Variants in CSMD1 observed in about 807,000 individuals in gnomAD.
CSMD1 encodes CUB and sushi domain-containing protein 1.
A neutral mutation model predicts 417.5 loss-of-function variants in CSMD1; 213 were observed. That is an observed-to-expected ratio of 0.51 (90% CI 0.46 to 0.57). The LOEUF (loss-of-function observed/expected upper bound fraction) is 0.57, where lower values mean the gene tolerates loss of function less well. Among genes scored for constraint, CSMD1 ranks in the 20% least tolerant of loss-of-function variants. The pLI, the probability that CSMD1 is intolerant of heterozygous loss-of-function variation, is 0.00. For synonymous variants in CSMD1, 2,862 were observed against 1,736.8 expected (o/e 1.65, Z -16.11); for missense variants, 6,923 against 4,529.7 (o/e 1.53, Z -15.17).
chr8:3,112,023 G>T (rs1328116280), intron 42 of CSMD1, among the ~76,000 whole-genome samples: 2 of 151,740 alleles, frequency 1.3e-5, no homozygotes, highest in Admixed American at 1.3e-4. Flanking sequence ...GCTTCCTTAA[G>T]GTCTTTCCTG....
intron 6 of CSMD1, among the ~76,000 whole-genome samples, chr8:3,740,826 AAC>A (rs946871833): frequency 1.3e-5 from 2 of 152,192 alleles, no homozygotes; most frequent in Admixed American, 1.3e-4. Flanking sequence ...CTATGCAGGC[AAC>A]AGAGTGCCCA....
chr8:3,711,977 G>C (rs1215464277), intron 6 of CSMD1, among the ~76,000 whole-genome samples: 2 of 152,214 alleles, frequency 1.3e-5, no homozygotes, highest in Non-Finnish European at 2.9e-5. Context: ...TATGCGAATA[G>C]ACAGGACCTA....
chr8:3,595,524 T>G (rs1801049658), intron 8 of CSMD1, among the ~76,000 whole-genome samples: 1 of 152,082 alleles, frequency 6.6e-6, no homozygotes, highest in Non-Finnish European at 1.5e-5. Context: ...AACTAATATT[T>G]TATGTGATTT....
intron 11 of CSMD1, among the ~76,000 whole-genome samples, chr8:3,476,029 T>C (rs1428812459): frequency 6.6e-6 from 1 of 152,204 alleles, no homozygotes; most frequent in East Asian, 1.9e-4. Flanking sequence ...TCAATAGTTC[T>C]ATTCTAATCT....
intron 3 of CSMD1, among the ~76,000 whole-genome samples, chr8:4,239,019 G>T (rs1175758578): frequency 2.0e-5 from 3 of 152,088 alleles, no homozygotes; most frequent in Non-Finnish European, 2.9e-5. Context: ...GATTAGGTTC[G>T]AAAATCTGCT....
At chr8:4,370,072 G>A (rs143943957) in intron 3 of CSMD1, among the ~76,000 whole-genome samples, 5 of 151,974 alleles carry the variant, frequency 3.3e-5, no homozygotes, top group African/African-American at 9.7e-5. Flanking sequence ...TGTGTTTTTC[G>A]GTGGTAGTCA....
chr8:4,177,594 G>A (rs2131162307), intron 3 of CSMD1, among the ~76,000 whole-genome samples: 1 of 151,238 alleles, frequency 6.6e-6, no homozygotes. Flanking sequence ...CAGAACTGAA[G>A]GAAATAGAGA....
chr8:4,674,169 C>A (rs993195750), intron 1 of CSMD1, among the ~76,000 whole-genome samples: 1 of 152,082 alleles, frequency 6.6e-6, no homozygotes, highest in Non-Finnish European at 1.5e-5. Flanking sequence ...GTGGGAAAAT[C>A]GATCTAATGG....
chr8:3,189,130 C>A, intron 34 of CSMD1, 119 bp from the exon 35 acceptor site: 1 of 869,762 alleles, frequency 1.1e-6, no homozygotes, highest in South Asian at 2.7e-5. Context: ...AACAATGATA[C>A]GTTAAACGGC....
chr8:3,954,069 C>T (rs968024664), intron 5 of CSMD1, among the ~76,000 whole-genome samples: 4 of 152,138 alleles, frequency 2.6e-5, no homozygotes, highest in Non-Finnish European at 4.4e-5. Flanking sequence ...CCCGGGACCC[C>T]GCCTCTAGGA....
intron 12 of CSMD1, among the ~76,000 whole-genome samples, chr8:3,415,866 C>G (rs1466975877): frequency 1.3e-5 from 2 of 152,084 alleles, no homozygotes; most frequent in African/African-American, 4.8e-5. Context: ...AGAAACATAT[C>G]CCCAAGTTTT....
chr8:4,270,768 G>C (rs1042528283), intron 3 of CSMD1, among the ~76,000 whole-genome samples: 2 of 152,110 alleles, frequency 1.3e-5, no homozygotes, highest in African/African-American at 2.4e-5. Context: ...CACCTGCACG[G>C]CACCCCCCAG....
intron 3 of CSMD1, among the ~76,000 whole-genome samples, chr8:4,067,705 A>G (rs534193038): frequency 2.0e-5 from 3 of 152,174 alleles, no homozygotes; most frequent in Non-Finnish European, 2.9e-5. Flanking sequence ...TAAACTTTCC[A>G]TGTTAGATAG....
At chr8:4,726,194 G>A (rs905267227) in intron 1 of CSMD1, among the ~76,000 whole-genome samples, 3 of 151,980 alleles carry the variant, frequency 2.0e-5, no homozygotes, top group East Asian at 3.9e-4. Context: ...ACACTTGGAA[G>A]TTTTCAGCTG....
chr8:4,101,146 G>T (rs1451663657), intron 3 of CSMD1, among the ~76,000 whole-genome samples: 1 of 152,206 alleles, frequency 6.6e-6, no homozygotes, highest in East Asian at 1.9e-4. Context: ...GGACACTTAA[G>T]AACCACTCTA....
chr8:4,950,997 C>CA (rs113469274), intron 1 of CSMD1, among the ~76,000 whole-genome samples: 6 of 136,636 alleles, frequency 4.4e-5, no homozygotes, highest in African/African-American at 1.3e-4. Context: ...AACAAACAAA[C>CA]AAAAAAAATT....
In CSMD1 at chr8:2,935,672, CTG is replaced by C. The variant is rs1306515018; in HGVS notation, c.*2911_*2912del. Reference sequence around the variant, plus strand: ...CAAATTCTTCATAAAAAATATATCTCTGTACAAAAAGGTCTTTCGCACCTACG... The same window carrying C: ...CAAATTCTTCATAAAAAATATATCTCTACAAAAAGGTCTTTCGCACCTACG... On this transcript the variant is annotated 3_prime_UTR_variant, in exon 70 of 70. Transcript: ENST00000635120. 6.6e-6 allele frequency: 1 copy of C among 152,120 alleles called. No homozygotes were observed. Among genetic ancestry groups the C allele is most frequent in the East Asian group, 1.9e-4 (1 of 5,198 alleles). 9.4% of individuals were successfully genotyped at this position (152,120 alleles called of 1,614,324 possible).
At chr8:4,262,451 G>C (rs1389504481) in intron 3 of CSMD1, among the ~76,000 whole-genome samples, 1 of 152,202 alleles carries the variant, frequency 6.6e-6, no homozygotes, top group African/African-American at 2.4e-5. Flanking sequence ...TCCCCGCGCA[G>C]TGCAGGCAAA....
In CSMD1 at chr8:4,424,082, A is replaced by C. The variant is rs58944079; in HGVS notation, c.303-4017T>G. ...CAAATATAAATGTAAAATGTAAAGC[A>C]ATTAGACTCTTAGGAAAAAAATAGG... On this transcript the variant is annotated intron_variant, in intron 2 of 69. Transcript: ENST00000635120. Among the ~76,000 whole-genome samples the C allele has an allele frequency of 6.4e-3, 971 of 152,148 alleles. 8 individuals carry two copies. Among genetic ancestry groups the C allele is most frequent in the African/African-American group, 0.022 (927 of 41,548 alleles).
Sources: gnomAD v4.1 joint callset for allele counts (sites outside exome capture counted in the v4.1 genomes callset) on GRCh38, gnomAD v4.1.1 for gene constraint, MANE v1.5 for transcripts, NCBI Gene and HGNC (gene_info 2026-07-23, HGNC 2026-07-21) for gene names.